Variants in FAM227B observed in about 807,000 individuals in gnomAD.
The protein encoded by FAM227B is protein FAM227B.
In FAM227B, 88 loss-of-function variants were observed where a neutral mutation model predicts 73.8. The observed-to-expected ratio is 1.19, with a 90% confidence interval of 1.00 to 1.42. The LOEUF is 1.42. Ranked by LOEUF, FAM227B falls within the 40% of genes most tolerant of loss-of-function variation. The pLI is 0.00. For missense variants in FAM227B, 632 were observed against 590.9 expected (o/e 1.07, Z -0.72); for synonymous variants, 210 against 190.5 (o/e 1.10, Z -0.84).
chr15:49,515,813 A>T (rs1433118204), intron 10 of FAM227B, among the ~76,000 whole-genome samples: 1 of 152,188 alleles, frequency 6.6e-6, no homozygotes, highest in Non-Finnish European at 1.5e-5. Context: ...TCTCAAAAAC[A>T]GTATTTTTAT....
chr15:49,532,659 G>A (rs996535184), intron 10 of FAM227B, among the ~76,000 whole-genome samples: 41 of 144,526 alleles, frequency 2.8e-4, no homozygotes, highest in Admixed American at 2.2e-3. Context: ...AATTATAATC[G>A]TAATTAATAT....
intron 11 of FAM227B, chr15:49,422,739 G>A: frequency 7.6e-7 from 1 of 1,321,988 alleles, no homozygotes; most frequent in Non-Finnish European, 1.1e-6. Flanking sequence ...CATAAAAATT[G>A]TACTTATATT....
chr15:49,532,793 G>A (rs2060709924), intron 10 of FAM227B, among the ~76,000 whole-genome samples: 1 of 151,868 alleles, frequency 6.6e-6, no homozygotes, highest in Non-Finnish European at 1.5e-5. Context: ...GAGTCACACA[G>A]CTCTAACTAC....
chr15:49,358,167 A>G lies in FAM227B; in HGVS notation c.1271+9281T>C, dbSNP rs530421013. On this transcript the variant is annotated intron_variant, in intron 13 of 15. Transcript: ENST00000299338. Reference sequence around the variant, plus strand: ...GCAAAAACTGGAAGCATTCCCTTTGAAAAGTGGCACAAGACAGGGATGCCC... The same window carrying G: ...GCAAAAACTGGAAGCATTCCCTTTGGAAAGTGGCACAAGACAGGGATGCCC... 2.5e-3 allele frequency among the ~76,000 whole-genome samples: 374 copies of G among 151,876 alleles called. 4 individuals are homozygous for G. Among genetic ancestry groups the G allele is most frequent in the African/African-American group, 8.5e-3 (351 of 41,330 alleles).
intron 12 of FAM227B, among the ~76,000 whole-genome samples, chr15:49,368,438 T>TC (rs1017845047): frequency 6.6e-5 from 10 of 152,316 alleles, no homozygotes; most frequent in African/African-American, 2.4e-4. Context: ...TTGCTTATGG[T>TC]CACTTTTTTA....
At chr15:49,619,361 G>A (rs1185141964) in intron 1 of FAM227B, among the ~76,000 whole-genome samples, 1 of 152,136 alleles carries the variant, frequency 6.6e-6, no homozygotes, top group Non-Finnish European at 1.5e-5. Context: ...AAGTAGCACC[G>A]CGTTACTTTT....
intron 13 of FAM227B, among the ~76,000 whole-genome samples, chr15:49,349,417 T>A (rs563444321): frequency 2.0e-5 from 3 of 152,174 alleles, no homozygotes; most frequent in African/African-American, 7.2e-5. Flanking sequence ...GTGTAAGCCA[T>A]CAAAAATAAA....
intron 5 of FAM227B, among the ~76,000 whole-genome samples, chr15:49,585,777 G>A (rs540620060): frequency 7.2e-5 from 11 of 152,078 alleles, no homozygotes; most frequent in Non-Finnish European, 1.5e-4. Context: ...CACCAACATG[G>A]CACATGTATA....
At chr15:49,467,073 G>A (rs1423723539) in intron 11 of FAM227B, among the ~76,000 whole-genome samples, 4 of 152,098 alleles carry the variant, frequency 2.6e-5, no homozygotes, top group Non-Finnish European at 5.9e-5. Flanking sequence ...TTAGACACAA[G>A]TTAAAGAGGG....
chr15:49,398,106 T>G (rs973701260), intron 11 of FAM227B, among the ~76,000 whole-genome samples: 4 of 152,066 alleles, frequency 2.6e-5, no homozygotes, highest in Admixed American at 2.6e-4. Context: ...GAAACCCATC[T>G]CACATGCAGA....
At chr15:49,383,611 T>A (rs1413511570) in intron 11 of FAM227B, among the ~76,000 whole-genome samples, 1 of 152,006 alleles carries the variant, frequency 6.6e-6, no homozygotes, top group Non-Finnish European at 1.5e-5. Context: ...TCAAAAGTCC[T>A]GCTAGGCAAA....
At chr15:49,612,631 G>A (rs1165049430) in intron 2 of FAM227B, among the ~76,000 whole-genome samples, 1 of 152,056 alleles carries the variant, frequency 6.6e-6, no homozygotes, top group Admixed American at 6.6e-5. Context: ...AAAATCCAGT[G>A]AGAAGGCAAA....
At chr15:49,572,659 C>T (rs1212551848) in intron 8 of FAM227B, among the ~76,000 whole-genome samples, 1 of 151,916 alleles carries the variant, frequency 6.6e-6, no homozygotes, top group African/African-American at 2.4e-5. Context: ...TGTCTTATAC[C>T]TTCTGTTTGA....
chr15:49,393,229 G>A (rs1217057417), intron 11 of FAM227B, among the ~76,000 whole-genome samples: 1 of 152,180 alleles, frequency 6.6e-6, no homozygotes, highest in Admixed American at 6.5e-5. Flanking sequence ...ATGTGAAAGA[G>A]AGAAAACTTT....
At chr15:49,532,980 T>C (rs1416495984) in intron 10 of FAM227B, among the ~76,000 whole-genome samples, 1 of 151,972 alleles carries the variant, frequency 6.6e-6, no homozygotes, top group African/African-American at 2.4e-5. Context: ...CTAAACTTTT[T>C]ATGTTTAAAA....
intron 12 of FAM227B, among the ~76,000 whole-genome samples, chr15:49,369,931 C>A (rs987310456): frequency 6.6e-6 from 1 of 152,028 alleles, no homozygotes; most frequent in East Asian, 1.9e-4. Context: ...CAGAGCTCTT[C>A]ATAATTAGGT....
Position 49,343,751 on chromosome 15 carries a change from T to A in FAM227B, c.1272-8255A>T, listed in dbSNP as rs1348412597. The stretch of plus-strand genomic sequence containing the variant: ...GAATTTCCTGCTTTCAACTTATTGT[T>A]CTGGCAACCTGTAGTCTGAAAGACA... On this transcript the variant is annotated intron_variant, in intron 13 of 15. Transcript: ENST00000299338. 2.0e-5 allele frequency: 3 copies of A among 152,212 alleles called. No homozygotes were observed. In the East Asian group the frequency reaches 5.8e-4, roughly 29 times the overall value. 9.4% of individuals were successfully genotyped at this position (152,212 alleles called of 1,614,324 possible). A position where few individuals can be genotyped will look rare whatever the true frequency, so the allele number is the denominator to read the frequency against.
chr15:49,338,062 G>A (rs893046550), intron 13 of FAM227B, among the ~76,000 whole-genome samples: 1 of 152,118 alleles, frequency 6.6e-6, no homozygotes, highest in Admixed American at 6.5e-5. Flanking sequence ...TCATTCTAGA[G>A]CCTTGAGGAA....
chr15:49,330,757 AAG>A (rs1161950730), intron 15 of FAM227B: 5 of 151,776 alleles, frequency 3.3e-5, no homozygotes, highest in South Asian at 2.1e-4. Flanking sequence ...AAAAAAAAAA[AAG>A]AGAGAAAGAA....
Sources: gnomAD v4.1 joint callset for allele counts (sites outside exome capture counted in the v4.1 genomes callset) on GRCh38, gnomAD v4.1.1 for gene constraint, MANE v1.5 for transcripts, NCBI Gene and HGNC (gene_info 2026-07-23, HGNC 2026-07-21) for gene names.